SEPTIN12: variants seen among roughly 807,000 people sequenced by gnomAD.
SEPTIN12 encodes septin-12.
Under a neutral mutation model 37.7 loss-of-function variants are expected in SEPTIN12, and 42 were observed. The ratio of observed to expected loss-of-function variants is 1.11; its 90% confidence interval spans 0.87 to 1.44. The LOEUF (loss-of-function observed/expected upper bound fraction) is 1.44. Among genes scored for constraint, SEPTIN12 ranks in the 40% most tolerant of loss-of-function variants. The probability of loss-of-function intolerance (pLI) is 0.00; values close to 1 mark genes in which losing one functional copy is unlikely to be tolerated. For missense variants in SEPTIN12, 613 were observed against 479.2 expected (o/e 1.28, Z -2.61); for synonymous variants, 254 against 196.7 (o/e 1.29, Z -2.44).
chr16:4,781,990 G>A, intron 7 of SEPTIN12, among the ~76,000 whole-genome samples: 1 of 108,280 alleles, frequency 9.2e-6, no homozygotes, highest in East Asian at 2.9e-4. Context: ...TCACTCCCTT[G>A]CCCAGGCTGG....
upstream of SEPTIN12, among the ~76,000 whole-genome samples, chr16:4,790,737 C>T (rs969732932): frequency 1.3e-5 from 2 of 152,218 alleles, no homozygotes; most frequent in African/African-American, 4.8e-5. Flanking sequence ...TGCAGTGAGC[C>T]GAGATCGTGC....
At position 4,788,321 on chromosome 16, in the gene SEPTIN12, T is replaced by C. The variant is rs1308715911; in HGVS notation, c.-64A>G. Reference sequence around the variant, plus strand: ...CTGGTGGAGCTTCCAGGAGCTGCCTTGTCCTGGCAGGGCCTGGTGTGTGTG... The same window carrying C: ...CTGGTGGAGCTTCCAGGAGCTGCCTCGTCCTGGCAGGGCCTGGTGTGTGTG... On this transcript the variant is annotated 5_prime_UTR_variant, in exon 1 of 10. Coordinates refer to ENST00000268231, the MANE Select transcript of SEPTIN12 (RefSeq NM_144605.5). 6.5e-6 allele frequency: 1 copy of C among 153,128 alleles called. No homozygotes were observed. The highest frequency in any genetic ancestry group is 1.9e-4 in the East Asian group (1 of 5,162). 9.5% of individuals were successfully genotyped at this position (153,128 alleles called of 1,614,324 possible). A position where few individuals can be genotyped will look rare whatever the true frequency, so the allele number is the denominator to read the frequency against.
upstream of SEPTIN12, chr16:4,788,766 T>C (rs2082501265): frequency 6.6e-6 from 1 of 152,258 alleles, no homozygotes; most frequent in African/African-American, 2.4e-5. Flanking sequence ...AATCAAGCCC[T>C]GTGAAGTAAG....
rs564609059 is a variant in SEPTIN12, at chr16:4,786,622, T to C, written c.167-517A>G. On this transcript the variant is annotated intron_variant, in intron 2 of 9. Coordinates refer to ENST00000268231, the MANE Select transcript of SEPTIN12 (RefSeq NM_144605.5). ...CGCCTGCCTCAGCCTCCCAAAGTGC[T>C]GGGATTACAGGCGTGAGCCACCACA... is the stretch of plus-strand genomic sequence containing the variant. Among the ~76,000 whole-genome samples, 101 of 152,268 alleles carry C rather than the reference T, an allele frequency of 6.6e-4. 1 individual carries two copies. Among genetic ancestry groups the C allele is most frequent in the Non-Finnish European group, 1.2e-3 (83 of 68,014 alleles).
Position 4,779,736 on chromosome 16 carries a change from G to T in SEPTIN12, c.777C>A (p.Asn259Lys), listed in dbSNP as rs150750343. 8 of 1,613,746 alleles carry T rather than the reference G, an allele frequency of 5.0e-6. No homozygotes were observed. The highest frequency in any genetic ancestry group is 6.8e-6 in the Non-Finnish European group (8 of 1,179,804). The change falls in exon 8 of 10, where the codon AAC becomes AAA. Residue 259 changes from asparagine (N) to lysine (K), a missense_variant. Transcript: ENST00000268231. ...TCTTCCGGCCCAGGACACACCTCCC[G>T]TTCACCAGGTGCTCTTGGTCAGCCC... ...VVGADQEHLVNGRCVLGRKTK... is the reference protein window; with the variant it reads ...VVGADQEHLVKGRCVLGRKTK...
At position 4,785,983 on chromosome 16, in the gene SEPTIN12, G is replaced by C. The variant is rs372017995; in HGVS notation, c.289C>G (p.His97Asp). Residue 97 changes from histidine to aspartate, a missense_variant, in exon 3 of 10, where the codon CAT (histidine) becomes GAT (aspartate). Physicochemically the swap from His to Asp is moderately conservative, Grantham distance 81. Transcript: ENST00000268231. ...PQTLQLHSLTHVIEEKGVKLK... is the reference protein window; with the variant it reads ...PQTLQLHSLTDVIEEKGVKLK... ...GTGTGGGCAGGGGCTCACTCACCATGGGTCAGTGAATGCAGCTGCAGCGTC... is the reference window on the plus strand; with the variant it reads ...GTGTGGGCAGGGGCTCACTCACCATCGGTCAGTGAATGCAGCTGCAGCGTC... 1.2e-6 allele frequency: 2 copies of C among 1,612,972 alleles called. No homozygotes were observed. Among genetic ancestry groups the C allele is most frequent in the Non-Finnish European group, 1.7e-6 (2 of 1,179,346 alleles).
At position 4,783,520 on chromosome 16, in the gene SEPTIN12, T is replaced by C. The variant is rs761710544; in HGVS notation, c.668A>G (p.Tyr223Cys). Reference protein sequence around the residue: ...QNLRTHCIDVYPQMCFDEDIN... With the variant: ...QNLRTHCIDVCPQMCFDEDIN... ...GTCCTCGTCAAAGCACATCTGGGGG[T>C]AGACGTCGATGCAGTGGGTCCTCAG... Residue 223 changes from tyrosine (Y) to cysteine (C), a missense_variant, in exon 7 of 10, where the codon TAC (tyrosine) becomes TGC (cysteine). Coordinates refer to ENST00000268231, the MANE Select transcript of SEPTIN12 (RefSeq NM_144605.5). The C allele has an allele frequency of 4.3e-6, 7 of 1,613,862 alleles. No individual in the cohort carries two copies. The highest frequency in any genetic ancestry group is 2.2e-5 in the East Asian group (1 of 44,870).
chr16:4,787,462 G>C lies in SEPTIN12; in HGVS notation c.166+18C>G, dbSNP rs754728631. 1 of 1,610,368 alleles carries C rather than the reference G, an allele frequency of 6.2e-7. No homozygotes were observed. The highest frequency in any genetic ancestry group is 8.5e-7 in the Non-Finnish European group (1 of 1,179,218). On this transcript the variant is annotated intron_variant, in intron 2 of 9. Coordinates refer to ENST00000268231, the MANE Select transcript of SEPTIN12 (RefSeq NM_144605.5). ...GCACTGTGGGTCTGTCCTGCCGTGG[G>C]CCCTACCTCTCACTCACCCACCACC... is the stretch of plus-strand genomic sequence containing the variant.
Position 4,785,967 on chromosome 16 carries a change from G to A in SEPTIN12, c.292+13C>T. On this transcript the variant is annotated intron_variant, in intron 3 of 9. Transcript: ENST00000268231. ...GGCAGGGTGGGGTGAGGTGTGGGCAGGGGCTCACTCACCATGGGTCAGTGA... is the reference window on the plus strand; with the variant it reads ...GGCAGGGTGGGGTGAGGTGTGGGCAAGGGCTCACTCACCATGGGTCAGTGA... 1 of 1,611,836 alleles carries A rather than the reference G, an allele frequency of 6.2e-7. No individual in the cohort carries two copies. The highest frequency in any genetic ancestry group is 1.3e-5 in the African/African-American group (1 of 74,966).
chr16:4,786,208 C>G (rs1318213258), intron 2 of SEPTIN12, 103 bp from the exon 3 acceptor site: 4 of 1,421,874 alleles, frequency 2.8e-6, no homozygotes, highest in East Asian at 4.8e-5. Flanking sequence ...GGTTCTCACT[C>G]TGTCACCCAG....
chr16:4,778,999 G>A (rs1047192851), intron 8 of SEPTIN12, among the ~76,000 whole-genome samples: 1 of 150,702 alleles, frequency 6.6e-6, no homozygotes, highest in Non-Finnish European at 1.5e-5. Context: ...TTAGCTGGGC[G>A]TGGTGGCAGG....
At chr16:4,789,399 C>A (rs546004092), upstream of SEPTIN12, among the ~76,000 whole-genome samples, 22 of 151,870 alleles carry the variant, frequency 1.4e-4, no homozygotes, top group African/African-American at 5.1e-4. Flanking sequence ...GATCTCGGCT[C>A]ACTGTAAGCT....
In SEPTIN12 at chr16:4,786,064, A is replaced by G. The variant is rs1298628849; in HGVS notation, c.208T>C (p.Phe70Leu). ...LGKSTMVNTL[F>L]KSKVWKSNPP... is the part of the protein sequence containing the mutation. Reference sequence around the variant, plus strand: ...TTTGACTTCCACACTTTGGACTTGAACAGCGTGTTCACCATCGTGGACTTG... The same window carrying G: ...TTTGACTTCCACACTTTGGACTTGAGCAGCGTGTTCACCATCGTGGACTTG... The change falls in exon 3 of 10, where the codon TTC becomes CTC. Residue 70 changes from phenylalanine to leucine, a missense_variant. Phe to Leu is a conservative substitution (Grantham distance 22). Transcript: ENST00000268231. 1.9e-6 allele frequency: 3 copies of G among 1,613,908 alleles called. No homozygotes were observed. The highest frequency in any genetic ancestry group is 1.1e-5 in the South Asian group (1 of 91,048).
rs144023827 is a variant in SEPTIN12, at chr16:4,784,553, C to T, written c.375-485G>A. ...GGGAGGCGGAGGCAGGAGGATCGCT[C>T]GAGCCCAGGAATTCGAGGCTAGCCT... On this transcript the variant is annotated intron_variant, in intron 4 of 9. Coordinates refer to ENST00000268231, the MANE Select transcript of SEPTIN12 (RefSeq NM_144605.5). Among the ~76,000 whole-genome samples, 118 of 128,134 alleles carry T rather than the reference C, an allele frequency of 9.2e-4. 1 individual carries two copies. The East Asian group carries it at 0.026, about 29-fold the overall frequency. The allele number at this position is 128,134 out of a possible 152,430, so 84.1% of individuals were successfully genotyped here. A position where few individuals can be genotyped will look rare whatever the true frequency, so the allele number is the denominator to read the frequency against.
rs757105747 is a variant in SEPTIN12 at position 4,783,442 on chromosome 16, C to G, written c.726+20G>C. On this transcript the variant is annotated intron_variant, in intron 7 of 9. Transcript: ENST00000268231. ...GGGAAGGAAATCACCTCGCCCGCCTCCCGCCCCACAGCCTCTCACCCGTAA... is the reference window on the plus strand; with the variant it reads ...GGGAAGGAAATCACCTCGCCCGCCTGCCGCCCCACAGCCTCTCACCCGTAA... 2.5e-6 allele frequency: 4 copies of G among 1,598,682 alleles called. No homozygotes were observed. The highest frequency in any genetic ancestry group is 3.4e-6 in the Non-Finnish European group (4 of 1,166,518).
chr16:4,789,983 C>T (rs1325149493), upstream of SEPTIN12: 2 of 151,106 alleles, frequency 1.3e-5, no homozygotes, highest in African/African-American at 4.9e-5. Flanking sequence ...GGCACAATGA[C>T]AGCTCACTGC....
chr16:4,785,776 C>G, intron 4 of SEPTIN12, 31 bp downstream of exon 4: 1 of 1,349,296 alleles, frequency 7.4e-7, no homozygotes, highest in Non-Finnish European at 1.0e-6. Context: ...GAAACTCTGC[C>G]TAAAAAAAAA....
chr16:4,780,092 T>C (rs1335474992), intron 7 of SEPTIN12, among the ~76,000 whole-genome samples: 1 of 151,622 alleles, frequency 6.6e-6, no homozygotes, highest in African/African-American at 2.4e-5. Flanking sequence ...AACTAAAAAA[T>C]TAGCTGAGCT....
upstream of SEPTIN12, among the ~76,000 whole-genome samples, chr16:4,791,058 T>C (rs531433398): frequency 7.2e-5 from 11 of 152,324 alleles, no homozygotes; most frequent in East Asian, 7.7e-4. Context: ...GTTTGAGCAG[T>C]AGACGTACCT....
Sources: gnomAD v4.1 joint callset for allele counts (sites outside exome capture counted in the v4.1 genomes callset) on GRCh38, gnomAD v4.1.1 for gene constraint, MANE v1.5 for transcripts, NCBI Gene and HGNC (gene_info 2026-07-23, HGNC 2026-07-21) for gene names.